Variants in MFAP3L observed in about 807,000 individuals in gnomAD.
The protein encoded by MFAP3L is microfibrillar-associated protein 3-like.
Under a neutral mutation model 20.0 loss-of-function variants are expected in MFAP3L, and 5 were observed. The ratio of observed to expected loss-of-function variants is 0.25; its 90% CI spans 0.13 to 0.53. The LOEUF is 0.53. Ranked by LOEUF, MFAP3L falls within the 20% of genes least tolerant of loss-of-function variation. MFAP3L has a pLI of 0.96. For missense variants in MFAP3L, 409 were observed against 527.5 expected (o/e 0.78, Z 2.20); for synonymous variants, 219 against 213.0 (o/e 1.03, Z -0.25).
At chr4:170,012,290 T>C (rs553452034) in intron 1 of MFAP3L, among the ~76,000 whole-genome samples, 2 of 152,344 alleles carry the variant, frequency 1.3e-5, no homozygotes, top group Non-Finnish European at 2.9e-5. Context: ...GACTATCTGA[T>C]AGCAGGTTGA....
At position 169,991,906 on chromosome 4, in the gene MFAP3L, G is replaced by A. The variant is rs536326972; in HGVS notation, c.702C>T (p.Ile234=). The A allele has an allele frequency of 2.5e-6, 4 of 1,614,158 alleles. No homozygotes were observed. Among genetic ancestry groups the A allele is most frequent in the African/African-American group, 2.7e-5 (2 of 75,034 alleles). The change falls in exon 3 of 3, where the codon ATC becomes ATT. Residue 234 remains isoleucine, a synonymous_variant. Transcript: ENST00000361618. This position sits in a 1 kb window ranked among gnomAD's most constrained non-coding sequence, Gnocchi z 4.9. The part of the protein sequence containing the change: ...QFKTMEFARY[I]EELARSVPLP... ...GAGGCACGCTCCTGGCAAGCTCTTC[G>A]ATGTAGCGGGCGAACTCCATGGTTT... is the stretch of plus-strand genomic sequence containing the variant.
intron 2 of MFAP3L, among the ~76,000 whole-genome samples, chr4:169,995,861 G>A (rs569238672): frequency 3.1e-4 from 47 of 152,244 alleles, no homozygotes; most frequent in Admixed American, 2.4e-3. Flanking sequence ...GCAGATGCCA[G>A]GTCAGTTCTA....
At chr4:169,995,628 C>T (rs1029959899) in intron 2 of MFAP3L, among the ~76,000 whole-genome samples, 9 of 152,162 alleles carry the variant, frequency 5.9e-5, no homozygotes, top group African/African-American at 2.2e-4. Flanking sequence ...AAATACCTGG[C>T]CCTGCATCTC....
rs1215065488 is a variant in MFAP3L at position 169,992,033 on chromosome 4, G to A, written c.575C>T (p.Thr192Ile). The stretch of plus-strand genomic sequence containing the variant: ...CTTCTGCAGCTTCTCTGCACCTTCG[G>A]TCCTAAAGAACTCATTGATGGCCTT... ...TEKAINEFFRTEGAEKLQKAF... is the reference protein window; with the variant it reads ...TEKAINEFFRIEGAEKLQKAF... The change falls in exon 3 of 3, where the codon ACC (threonine) becomes ATC (isoleucine). Residue 192 changes from threonine to isoleucine, a missense_variant. Thr to Ile is a moderately conservative substitution (Grantham distance 89, BLOSUM62 -1). This residue lies in a region of MFAP3L where 127 missense variants were observed against 218.1 expected (regional missense o/e 0.58). Transcript: ENST00000361618. The surrounding 1 kb of genome is among the most constrained non-coding windows in gnomAD (Gnocchi z 4.3). The A allele has an allele frequency of 6.2e-7, 1 of 1,614,138 alleles. No individual in the cohort carries two copies. The highest frequency in any genetic ancestry group is 1.1e-5 in the South Asian group (1 of 91,076).
At chr4:169,994,202 T>C (rs942455020) in intron 2 of MFAP3L, 30 of 985,390 alleles carry the variant, frequency 3.0e-5, no homozygotes, top group Non-Finnish European at 3.6e-5. Flanking sequence ...TTTACCTTCC[T>C]TTTGTTGGAA....
chr4:170,010,684 A>G (rs1273103937), intron 1 of MFAP3L, among the ~76,000 whole-genome samples: 1 of 152,240 alleles, frequency 6.6e-6, no homozygotes, highest in Non-Finnish European at 1.5e-5. Flanking sequence ...TATAATACAC[A>G]TAGCATACAA....
chr4:170,011,242 C>G (rs1739364489), intron 1 of MFAP3L, among the ~76,000 whole-genome samples: 1 of 152,142 alleles, frequency 6.6e-6, no homozygotes, highest in Admixed American at 6.5e-5. Context: ...AGCATGAAAA[C>G]AAACAGACGC....
chr4:170,012,245 A>T (rs1739429495), intron 1 of MFAP3L, among the ~76,000 whole-genome samples: 1 of 152,230 alleles, frequency 6.6e-6, no homozygotes, highest in South Asian at 2.1e-4. Context: ...AAGTTGGCAG[A>T]TGCAAAGAGG....
intron 1 of MFAP3L, among the ~76,000 whole-genome samples, chr4:170,024,731 A>T (rs1740244514): frequency 6.6e-6 from 1 of 152,130 alleles, no homozygotes; most frequent in Admixed American, 6.5e-5. Flanking sequence ...AGCCTTTCCT[A>T]TTATTAAACC....
At position 169,987,951 on chromosome 4, in the gene MFAP3L, G is replaced by A. The variant is rs550704744; in HGVS notation, c.*3427C>T. 1 of 152,286 alleles carries A rather than the reference G, an allele frequency of 6.6e-6. No homozygotes were observed. The highest frequency in any genetic ancestry group is 2.1e-4 in the South Asian group (1 of 4,824). 9.4% of individuals were successfully genotyped at this position (152,286 alleles called of 1,614,324 possible). A position where few individuals can be genotyped will look rare whatever the true frequency, so the allele number is the denominator to read the frequency against. On this transcript the variant is annotated 3_prime_UTR_variant, in exon 3 of 3. Coordinates refer to ENST00000361618, the MANE Select transcript of MFAP3L (RefSeq NM_021647.8). ...AAACAAACAATAAAAACAGATAAAG[G>A]AGGAAAGGGGAATTCCAGAACCCCA... is the stretch of plus-strand genomic sequence containing the variant.
At chr4:170,002,217 C>G in intron 2 of MFAP3L, 2 of 985,286 alleles carry the variant, frequency 2.0e-6, no homozygotes, top group Non-Finnish European at 1.2e-6. Flanking sequence ...ACATTTTTCA[C>G]CTACAGGACC....
At chr4:169,998,493 T>C (rs954795939) in intron 2 of MFAP3L, among the ~76,000 whole-genome samples, 1 of 152,236 alleles carries the variant, frequency 6.6e-6, no homozygotes, top group Non-Finnish European at 1.5e-5. Context: ...AATCACAGCT[T>C]TTCTCCAAAC....
At chr4:169,995,685 C>A (rs1370694554) in intron 2 of MFAP3L, among the ~76,000 whole-genome samples, 2 of 152,198 alleles carry the variant, frequency 1.3e-5, no homozygotes, top group African/African-American at 2.4e-5. Flanking sequence ...TATACAAACA[C>A]CCACGGTGAC....
chr4:170,000,127 C>A (rs1420403713), intron 2 of MFAP3L, among the ~76,000 whole-genome samples: 1 of 152,180 alleles, frequency 6.6e-6, no homozygotes, highest in Non-Finnish European at 1.5e-5. Context: ...TTGTAATTTC[C>A]ACATACACTG....
intron 1 of MFAP3L, among the ~76,000 whole-genome samples, chr4:170,024,753 G>C (rs1036151807): frequency 6.6e-6 from 1 of 152,102 alleles, no homozygotes; most frequent in Non-Finnish European, 1.5e-5. Context: ...CGGTTATGCA[G>C]CATCACAGGA....
Position 169,995,733 on chromosome 4 carries a change from A to T in MFAP3L, c.299-3424T>A, listed in dbSNP as rs988128853. On this transcript the variant is annotated intron_variant, in intron 2 of 2. Coordinates refer to ENST00000361618, the MANE Select transcript of MFAP3L (RefSeq NM_021647.8). Reference sequence around the variant, plus strand: ...TCGGGGCTTTACACGCGAAGTGGGGATACACAGTGCAGTCCCCATGTATTT... The same window carrying T: ...TCGGGGCTTTACACGCGAAGTGGGGTTACACAGTGCAGTCCCCATGTATTT... 1.2e-4 allele frequency among the ~76,000 whole-genome samples: 19 copies of T among 152,326 alleles called. No individual in the cohort carries two copies. The East Asian group carries it at 3.5e-3, about 28-fold the overall frequency.
At chr4:170,016,897 G>A (rs994702864) in intron 1 of MFAP3L, among the ~76,000 whole-genome samples, 8 of 152,200 alleles carry the variant, frequency 5.3e-5, no homozygotes, top group African/African-American at 1.9e-4. Context: ...GATAAAGACA[G>A]GCCTGTGAAC....
At position 170,019,502 on chromosome 4, in the gene MFAP3L, C is replaced by T. The variant is rs371888677; in HGVS notation, c.-134+6732G>A. Among the ~76,000 whole-genome samples the T allele has an allele frequency of 2.8e-4, 42 of 152,228 alleles. 1 individual carries two copies. In the South Asian group the frequency reaches 8.5e-3, roughly 31 times the overall value. ...GAGGCTACAGTGAGCCATGATCATGCCACTGTACTCCAGCCTGGGCAACAG... is the reference window on the plus strand; with the variant it reads ...GAGGCTACAGTGAGCCATGATCATGTCACTGTACTCCAGCCTGGGCAACAG... On this transcript the variant is annotated intron_variant, in intron 1 of 2. Transcript: ENST00000361618.
intron 1 of MFAP3L, among the ~76,000 whole-genome samples, chr4:170,025,205 C>T (rs1020269778): frequency 6.6e-6 from 1 of 152,146 alleles, no homozygotes; most frequent in African/African-American, 2.4e-5. Flanking sequence ...CTTACGGTCT[C>T]ATGAAACGAC....
Sources: gnomAD v4.1 joint callset for allele counts (sites outside exome capture counted in the v4.1 genomes callset) on GRCh38, gnomAD v4.1.1 for gene constraint, gnomAD v4.1.1 regional missense constraint, Gnocchi (gnomAD v3.1) non-coding constraint, MANE v1.5 for transcripts, NCBI Gene and HGNC (gene_info 2026-07-23, HGNC 2026-07-21) for gene names.